Variants in CELF2 observed in about 807,000 individuals in gnomAD.
The protein encoded by CELF2 is CUGBP Elav-like family member 2, also known as CUG triplet repeat RNA-binding protein 2.
A neutral mutation model predicts 62.6 loss-of-function variants in CELF2; 8 were observed. The ratio of observed to expected loss-of-function variants is 0.13; its 90% CI spans 0.07 to 0.23. CELF2 has a LOEUF of 0.23. CELF2 is among the 10% of genes least tolerant of loss of function. CELF2 has a pLI of 1.00. For missense variants in CELF2, 333 were observed against 671.0 expected (o/e 0.50, Z 5.56); for synonymous variants, 258 against 250.0 (o/e 1.03, Z -0.30).
the CELF2 span, among the ~76,000 whole-genome samples, chr10:10,736,379 TCTTTCTTTCTTTCTTTC>T: frequency 2.0e-5 from 2 of 99,294 alleles, no homozygotes; most frequent in Non-Finnish European, 4.2e-5. Context: ...TTTCTTTCTT[TCTTTCTTTCTTTCTTTC>T]TTTTTTTTTT....
In CELF2 at chr10:11,329,958, T is replaced by TATTGCCTATTGTTAA. The variant is rs1210261020; in HGVS notation, c.*906_*920dup. ...TGCCTCAGAAATAATGGAAGTTATT[T>TATTGCCTATTGTTAA]ATTGCCTATTGTTAACTTATTGGGT... is the stretch of plus-strand genomic sequence containing the variant. On this transcript the variant is annotated 3_prime_UTR_variant, in exon 13 of 13. Coordinates refer to ENST00000633077, the MANE Select transcript of CELF2 (RefSeq NM_001326342.2). This position sits in a 1 kb window ranked among gnomAD's most constrained non-coding sequence, Gnocchi z 5.5. The TATTGCCTATTGTTAA allele has an allele frequency of 6.6e-6, 1 of 152,662 alleles. No individual in the cohort carries two copies. The highest frequency in any genetic ancestry group is 1.5e-5 in the Non-Finnish European group (1 of 68,048). The allele number at this position is 152,662 out of a possible 1,614,324, so 9.5% of individuals were successfully genotyped here.
At chr10:11,291,686 A>G (rs1022699237) in intron 9 of CELF2, among the ~76,000 whole-genome samples, 2 of 152,132 alleles carry the variant, frequency 1.3e-5, no homozygotes, top group Non-Finnish European at 2.9e-5. Context: ...TCTCCTATTT[A>G]GTTAATTAAT....
chr10:10,622,523 T>C, the CELF2 span, among the ~76,000 whole-genome samples: 310 of 151,922 alleles, frequency 2.0e-3, 1 homozygote, highest in African/African-American at 7.0e-3. Context: ...GGAGCTGTGG[T>C]GTGCACCCAC....
At chr10:11,248,528 T>C (rs80283459) in intron 3 of CELF2, among the ~76,000 whole-genome samples, 2,280 of 152,292 alleles carry the variant, frequency 0.015, 42 homozygotes, top group East Asian at 0.047. Context: ...TATATACTGA[T>C]ACCAAAGTCA....
At position 11,300,772 on chromosome 10, in the gene CELF2, C is replaced by T. The variant is rs1304727168; in HGVS notation, c.976+12220C>T. Among the ~76,000 whole-genome samples the T allele has an allele frequency of 3.9e-5, 6 of 152,282 alleles. No homozygotes were observed. The highest frequency in any genetic ancestry group is 7.4e-5 in the Non-Finnish European group (5 of 68,024). ...GCATCCAAGCTCGTTTGAGGCAAAA[C>T]GGCGACCGCGGGCTCCAGTGTCCTG... is the stretch of plus-strand genomic sequence containing the variant. On this transcript the variant is annotated intron_variant, in intron 9 of 12. Transcript: ENST00000633077. The surrounding 1 kb of genome is among the most constrained non-coding windows in gnomAD (Gnocchi z 5.5).
chr10:10,774,079 C>G, the CELF2 span, among the ~76,000 whole-genome samples: 1 of 152,192 alleles, frequency 6.6e-6, no homozygotes, highest in Admixed American at 6.5e-5. Context: ...AAATCTGAAT[C>G]AGGCCATTTA....
intron 1 of CELF2, among the ~76,000 whole-genome samples, chr10:11,051,772 G>A (rs550356504): frequency 2.6e-5 from 4 of 152,112 alleles, no homozygotes; most frequent in Admixed American, 6.6e-5. Flanking sequence ...AAGATGAAAC[G>A]TTTGAGCTTC....
At chr10:11,239,193 T>C (rs1328597148) in intron 3 of CELF2, among the ~76,000 whole-genome samples, 5 of 152,222 alleles carry the variant, frequency 3.3e-5, no homozygotes, top group Admixed American at 3.3e-4. Context: ...TTTTATTTTA[T>C]TTTTTGCCAG....
the CELF2 span, among the ~76,000 whole-genome samples, chr10:10,712,219 G>A: frequency 6.7e-6 from 1 of 148,928 alleles, no homozygotes; most frequent in Non-Finnish European, 1.5e-5. Context: ...TTGAATGGCA[G>A]GTCATCTGAG....
chr10:10,798,572 G>A (rs11256837), upstream of CELF2: 67,569 of 393,494 alleles, frequency 0.17, 6,558 homozygotes, highest in Non-Finnish European at 0.21. Context: ...GCTGGGAGCC[G>A]GGTGTGGGAC....
chr10:11,233,204 A>T (rs2069533357), intron 3 of CELF2, among the ~76,000 whole-genome samples: 1 of 152,178 alleles, frequency 6.6e-6, no homozygotes, highest in Non-Finnish European at 1.5e-5. Context: ...AATGTTGAAG[A>T]GGCTGGATTG....
chr10:10,483,214 C>CAAAAAAAAAAAAAAAAAA, the CELF2 span, among the ~76,000 whole-genome samples: 1 of 93,436 alleles, frequency 1.1e-5, no homozygotes, highest in African/African-American at 4.1e-5. Context: ...GGCAGAATAC[C>CAAAAAAAAAAAAAAAAAA]AAAAAAAAAA....
chr10:10,742,025 A>G, the CELF2 span, among the ~76,000 whole-genome samples: 1 of 152,196 alleles, frequency 6.6e-6, no homozygotes, highest in Admixed American at 6.5e-5. Flanking sequence ...ATGCTGTTCT[A>G]TGTATTATCT....
chr10:11,019,397 C>T (rs1436287850), intron 1 of CELF2, among the ~76,000 whole-genome samples: 1 of 152,180 alleles, frequency 6.6e-6, no homozygotes, highest in Non-Finnish European at 1.5e-5. Context: ...TAGGACTTAA[C>T]ATCCCTATTC....
intron 8 of CELF2, among the ~76,000 whole-genome samples, chr10:11,277,319 C>T (rs1460086417): frequency 6.6e-6 from 1 of 152,134 alleles, no homozygotes; most frequent in Non-Finnish European, 1.5e-5. Context: ...GGTGAATGGG[C>T]GATAGAGGTT....
At chr10:10,799,587 T>G (rs1386838461) in intron 1 of CELF2, among the ~76,000 whole-genome samples, 2 of 151,766 alleles carry the variant, frequency 1.3e-5, no homozygotes, top group East Asian at 3.9e-4. Context: ...TCCTCTGACC[T>G]CTCCCCTACC....
chr10:10,555,961 A>G, the CELF2 span, among the ~76,000 whole-genome samples: 1 of 152,166 alleles, frequency 6.6e-6, no homozygotes, highest in African/African-American at 2.4e-5. Flanking sequence ...TTACATATGT[A>G]TGTATTTTCC....
At chr10:10,795,984 G>A (rs553096251), upstream of CELF2, among the ~76,000 whole-genome samples, 7 of 152,078 alleles carry the variant, frequency 4.6e-5, no homozygotes, top group East Asian at 1.9e-4. Context: ...GTGTCTGGGC[G>A]TAACAATAAT....
Position 10,957,180 on chromosome 10 carries a change from A to G in CELF2, c.89+37181A>G, listed in dbSNP as rs2048996988. Among the ~76,000 whole-genome samples the G allele has an allele frequency of 6.6e-6, 1 of 152,222 alleles. No individual in the cohort carries two copies. The highest frequency in any genetic ancestry group is 1.5e-5 in the Non-Finnish European group (1 of 68,038). Reference sequence around the variant, plus strand: ...TCTCTGGAGTTCCTGACATTTCCGCAAATAAGTCTTAGTCTCTTTACCATT... The same window carrying G: ...TCTCTGGAGTTCCTGACATTTCCGCGAATAAGTCTTAGTCTCTTTACCATT... On this transcript the variant is annotated intron_variant, in intron 2 of 13. Transcript: ENST00000636488. The surrounding 1 kb of genome is among the most constrained non-coding windows in gnomAD (Gnocchi z 4.1).
Sources: gnomAD v4.1 joint callset for allele counts (sites outside exome capture counted in the v4.1 genomes callset) on GRCh38, gnomAD v4.1.1 for gene constraint, Gnocchi (gnomAD v3.1) non-coding constraint, MANE v1.5 for transcripts, NCBI Gene and HGNC (gene_info 2026-07-23, HGNC 2026-07-21) for gene names.